Variants in RARB observed in about 807,000 individuals in gnomAD.
The protein encoded by RARB is retinoic acid receptor beta.
RARB carries 17 observed loss-of-function variants against 51.9 expected under a neutral mutation model. That is an observed-to-expected ratio of 0.33 (90% confidence interval 0.22 to 0.49). The LOEUF is 0.49. Ranked by LOEUF, RARB falls within the 20% of genes least tolerant of loss-of-function variation. RARB has a pLI of 0.99. For missense variants in RARB, 369 were observed against 550.8 expected, an observed-to-expected ratio of 0.67 and a Z score of 3.30; for synonymous variants, 215 against 195.4, an observed-to-expected ratio of 1.10 and a Z score of -0.84.
chr3:24,875,590 G>T (rs1559379273), intron 2 of RARB, among the ~76,000 whole-genome samples: 1 of 152,046 alleles, frequency 6.6e-6, no homozygotes, highest in African/African-American at 2.4e-5. Flanking sequence ...TATATATATT[G>T]CAACTTCAAA....
chr3:24,999,144 T>G (rs1011250295), intron 2 of RARB, among the ~76,000 whole-genome samples: 10 of 152,134 alleles, frequency 6.6e-5, no homozygotes, highest in Non-Finnish European at 1.2e-4. Flanking sequence ...GGCACCAATT[T>G]CATTTAGAAT....
At chr3:24,835,468 A>G (rs548649576) in intron 1 of RARB, among the ~76,000 whole-genome samples, 1 of 152,282 alleles carries the variant, frequency 6.6e-6, no homozygotes. Flanking sequence ...TTAAATGATG[A>G]TTACTAATAT....
intron 5 of RARB, among the ~76,000 whole-genome samples, chr3:25,350,693 C>T (rs752290218): frequency 1.2e-4 from 18 of 152,196 alleles, no homozygotes; most frequent in Non-Finnish European, 2.4e-4. Context: ...GTGCCTGGCA[C>T]ATAGAAAGCT....
intron 3 of RARB, among the ~76,000 whole-genome samples, chr3:25,066,752 AAAC>A (rs1698672204): frequency 6.6e-6 from 1 of 152,182 alleles, no homozygotes; most frequent in African/African-American, 2.4e-5. Flanking sequence ...TACCAAAAAA[AAAC>A]AGAAAAATAA....
chr3:25,084,040 A>G (rs1699059915), intron 3 of RARB, among the ~76,000 whole-genome samples: 2 of 152,150 alleles, frequency 1.3e-5, no homozygotes, highest in African/African-American at 4.8e-5. Flanking sequence ...GAGTTCTCTC[A>G]GTCTCATCCT....
intron 4 of RARB, among the ~76,000 whole-genome samples, chr3:25,164,912 C>A (rs1700535492): frequency 6.6e-6 from 1 of 152,078 alleles, no homozygotes; most frequent in Non-Finnish European, 1.5e-5. Context: ...TGAACACTTC[C>A]TAATCCCACT....
chr3:25,460,440 A>ATTTG (rs1553618160), intron 1 of RARB, among the ~76,000 whole-genome samples: 2 of 150,406 alleles, frequency 1.3e-5, no homozygotes, highest in African/African-American at 4.9e-5. Flanking sequence ...TTATTTATTT[A>ATTTG]TTTATTTATT....
chr3:25,387,064 A>T (rs1706816426), intron 5 of RARB, among the ~76,000 whole-genome samples: 1 of 152,194 alleles, frequency 6.6e-6, no homozygotes, highest in Non-Finnish European at 1.5e-5. Context: ...CCAGAATACA[A>T]ATGTAGAAAT....
At chr3:25,405,761 G>A (rs897782612) in intron 5 of RARB, among the ~76,000 whole-genome samples, 11 of 152,172 alleles carry the variant, frequency 7.2e-5, no homozygotes, top group East Asian at 1.9e-4. Context: ...AGATATTTCC[G>A]TCATCACAGA....
At chr3:25,245,079 T>G (rs1356292549) in intron 5 of RARB, among the ~76,000 whole-genome samples, 3 of 152,224 alleles carry the variant, frequency 2.0e-5, no homozygotes, top group Non-Finnish European at 2.9e-5. Flanking sequence ...TTGTCTCTTT[T>G]GATCTTTGTT....
intron 2 of RARB, among the ~76,000 whole-genome samples, chr3:24,979,854 G>A (rs181240468): frequency 1.3e-4 from 20 of 152,250 alleles, no homozygotes; most frequent in Non-Finnish European, 2.1e-4. Context: ...AATTGATGCA[G>A]TTTCTTCATA....
chr3:25,037,053 G>C (rs892909093), intron 2 of RARB, among the ~76,000 whole-genome samples: 3 of 152,138 alleles, frequency 2.0e-5, no homozygotes, highest in Non-Finnish European at 2.9e-5. Context: ...ACTCAAACTT[G>C]CATGAACTCT....
At chr3:25,368,152 A>G (rs2125469780) in intron 5 of RARB, among the ~76,000 whole-genome samples, 1 of 152,272 alleles carries the variant, frequency 6.6e-6, no homozygotes, top group African/African-American at 2.4e-5. Context: ...AGTAAATAAT[A>G]GTTGTTTTTC....
chr3:25,017,220 C>CG (rs1553623772), intron 2 of RARB, among the ~76,000 whole-genome samples: 2,958 of 149,300 alleles, frequency 0.02, 105 homozygotes, highest in African/African-American at 0.07. Context: ...TTTCCCCCCC[C>CG]CTTTCAGAAC....
At chr3:25,235,028 C>G (rs1036011476) in intron 5 of RARB, among the ~76,000 whole-genome samples, 24 of 152,234 alleles carry the variant, frequency 1.6e-4, no homozygotes, top group African/African-American at 5.1e-4. Context: ...TAGGGGGCCC[C>G]CTTTTTGGAT....
intron 5 of RARB, among the ~76,000 whole-genome samples, chr3:25,296,044 T>C (rs1053251106): frequency 5.3e-5 from 8 of 152,296 alleles, no homozygotes; most frequent in South Asian, 2.1e-4. Context: ...AGACTTAGGA[T>C]CTAGTTGAAT....
At chr3:25,141,741 G>A (rs1042735454) in intron 4 of RARB, among the ~76,000 whole-genome samples, 1 of 152,118 alleles carries the variant, frequency 6.6e-6, no homozygotes, top group African/African-American at 2.4e-5. Context: ...CTACTTTTAG[G>A]AATCCTAAGG....
At chr3:25,473,736 A>C (rs1221440835) in intron 2 of RARB, among the ~76,000 whole-genome samples, 1 of 152,022 alleles carries the variant, frequency 6.6e-6, no homozygotes, top group Admixed American at 6.6e-5. Context: ...CTTGTTCTCA[A>C]GTGTTTCTGA....
At chr3:25,293,659 C>G (rs1703846083) in intron 5 of RARB, among the ~76,000 whole-genome samples, 2 of 142,428 alleles carry the variant, frequency 1.4e-5, no homozygotes, top group Non-Finnish European at 3.0e-5. Context: ...AATAACTAAT[C>G]CCATTTTCCT....
Sources: allele counts gnomAD v4.1 joint callset (sites outside exome capture counted in the v4.1 genomes callset), GRCh38; gene constraint gnomAD v4.1.1; transcripts MANE v1.5; gene names NCBI Gene and HGNC (gene_info 2026-07-23, HGNC 2026-07-21).